The following PHAX variants were observed in gnomAD, a reference collection of about 807,000 sequenced individuals.
PHAX encodes the protein phosphorylated adaptor for RNA export.
A neutral mutation model predicts 41.6 loss-of-function variants in PHAX; 31 were observed. That is an observed-to-expected ratio of 0.75 (90% CI 0.56 to 1.01). The LOEUF (loss-of-function observed/expected upper bound fraction) is 1.01, where lower values mean the gene tolerates loss of function less well. PHAX is among the 50% of genes least tolerant of loss of function. The probability of loss-of-function intolerance (pLI) is 0.00; values close to 1 mark genes in which losing one functional copy is unlikely to be tolerated. For missense variants in PHAX, 453 were observed against 472.9 expected (o/e 0.96, Z 0.39); for synonymous variants, 175 against 164.9 (o/e 1.06, Z -0.47).
chr5:126,604,273 C>CTTTT, intron 2 of PHAX, 90 bp downstream of exon 2: 1 of 791,610 alleles, frequency 1.3e-6, no homozygotes. Flanking sequence ...ATGATATGTT[C>CTTTT]CTTTTTTTTT....
Position 126,617,233 on chromosome 5 carries a change from TCTGTTC to T in PHAX, c.832-14_832-9del, listed in dbSNP as rs758944949. 4 of 1,571,372 alleles carry T rather than the reference TCTGTTC, an allele frequency of 2.5e-6. No homozygotes were observed. The East Asian group carries it at 9.0e-5, about 35-fold the overall frequency. On this transcript the variant is annotated splice_polypyrimidine_tract_variant and intron_variant, in intron 3 of 4. Transcript: ENST00000297540. ...GGAAGAGTATATGCAGTTTACCTTTTCTGTTCCTTTTTGTAGAATGGTAGTCGAAGA... is the reference window on the plus strand; with the variant it reads ...GGAAGAGTATATGCAGTTTACCTTTTCTTTTTGTAGAATGGTAGTCGAAGA...
intron 3 of PHAX, among the ~76,000 whole-genome samples, chr5:126,615,089 G>A (rs6886516): frequency 0.27 from 41,134 of 151,544 alleles, 7,127 homozygotes; most frequent in African/African-American, 0.48. Context: ...CATATACTAT[G>A]CATACTATTC....
chr5:126,614,205 TCTC>T (rs1561681387), intron 3 of PHAX, among the ~76,000 whole-genome samples: 1 of 151,908 alleles, frequency 6.6e-6, no homozygotes, highest in East Asian at 1.9e-4. Flanking sequence ...TTCAAACAAT[TCTC>T]CTGCCCTCAG....
chr5:126,602,575 A>G (rs1336272792), intron 1 of PHAX, among the ~76,000 whole-genome samples: 2 of 152,248 alleles, frequency 1.3e-5, no homozygotes, highest in African/African-American at 4.8e-5. Context: ...AACAAAGACA[A>G]ATACTTGCTT....
chr5:126,601,017 G>T lies in PHAX; in HGVS notation c.55G>T (p.Asp19Tyr), dbSNP rs149546549. ...TGGGCAGCTTTCCGACTCGGATTCCGACATGACGGTCGCACCCAGCGACAG... is the reference window on the plus strand; with the variant it reads ...TGGGCAGCTTTCCGACTCGGATTCCTACATGACGGTCGCACCCAGCGACAG... ...EDGQLSDSDS[D>Y]MTVAPSDRPL... Residue 19 changes from aspartate (D) to tyrosine (Y), a missense_variant, in exon 1 of 5, where the codon GAC becomes TAC. By Grantham distance (160) the Asp-to-Tyr change is radical. Transcript: ENST00000297540. The T allele has an allele frequency of 7.8e-5, 126 of 1,606,774 alleles. No homozygotes were observed. The highest frequency in any genetic ancestry group is 1.0e-4 in the Non-Finnish European group (121 of 1,176,832).
Position 126,625,080 on chromosome 5 carries a change from G to T in PHAX, c.*236G>T, listed in dbSNP as rs760806341. 1.4e-4 allele frequency: 64 copies of T among 464,910 alleles called. No individual in the cohort carries two copies. The highest frequency in any genetic ancestry group is 2.1e-4 in the Non-Finnish European group (56 of 265,090). 28.8% of individuals were successfully genotyped at this position (464,910 alleles called of 1,614,324 possible). Reference sequence around the variant, plus strand: ...GATTTAATTTCTCAATCTGTTGCATGTGCTAATTATGAGTATTACTAGTTG... The same window carrying T: ...GATTTAATTTCTCAATCTGTTGCATTTGCTAATTATGAGTATTACTAGTTG... On this transcript the variant is annotated 3_prime_UTR_variant, in exon 5 of 5. Coordinates refer to ENST00000297540, the MANE Select transcript of PHAX (RefSeq NM_032177.4).
chr5:126,621,866 TAACAACATGTTGC>T (rs1404023271), intron 4 of PHAX, among the ~76,000 whole-genome samples: 1 of 152,242 alleles, frequency 6.6e-6, no homozygotes, highest in East Asian at 1.9e-4. Context: ...ATAAAGATAT[TAACAACATGTTGC>T]AACAACATTT....
chr5:126,607,888 T>A (rs980393861), intron 2 of PHAX, among the ~76,000 whole-genome samples: 8 of 152,176 alleles, frequency 5.3e-5, no homozygotes, highest in African/African-American at 1.9e-4. Context: ...TAATAAGCCA[T>A]CAGTAAATAT....
intron 1 of PHAX, among the ~76,000 whole-genome samples, chr5:126,602,522 A>G (rs1751920151): frequency 6.6e-6 from 1 of 152,264 alleles, no homozygotes; most frequent in African/African-American, 2.4e-5. Flanking sequence ...GAAGATAGGA[A>G]GATAGATAGT....
At chr5:126,622,913 G>A (rs1043192578) in intron 4 of PHAX, among the ~76,000 whole-genome samples, 3 of 151,952 alleles carry the variant, frequency 2.0e-5, no homozygotes, top group Admixed American at 6.6e-5. Context: ...GTCACTTGAG[G>A]CCAGGAGTTG....
chr5:126,603,442 G>T (rs1320265321), intron 1 of PHAX, 128 bp from the exon 2 acceptor site: 3 of 1,005,678 alleles, frequency 3.0e-6, no homozygotes, highest in Non-Finnish European at 3.0e-6. Context: ...AACTTGATTG[G>T]TCTCAGATTT....
At chr5:126,602,475 A>G (rs146098646) in intron 1 of PHAX, among the ~76,000 whole-genome samples, 81 of 152,376 alleles carry the variant, frequency 5.3e-4, no homozygotes, top group South Asian at 1.4e-3. Context: ...TACAGTGTGC[A>G]GTAATGCCTG....
At chr5:126,604,308 G>GA in intron 2 of PHAX, 125 bp downstream of exon 2, 1 of 861,506 alleles carries the variant, frequency 1.2e-6, no homozygotes, top group Non-Finnish European at 1.6e-6. Flanking sequence ...ACAGGGTCTT[G>GA]CTCTGTCACC....
At chr5:126,602,521 A>G (rs1751920094) in intron 1 of PHAX, among the ~76,000 whole-genome samples, 1 of 152,252 alleles carries the variant, frequency 6.6e-6, no homozygotes. Context: ...TGAAGATAGG[A>G]AGATAGATAG....
chr5:126,617,219 T>C (rs1408411880), intron 3 of PHAX, 31 bp from the exon 4 acceptor site: 2 of 1,393,332 alleles, frequency 1.4e-6, no homozygotes, highest in Non-Finnish European at 2.0e-6. Flanking sequence ...GAAGAGTATA[T>C]GCAGTTTACC....
intron 3 of PHAX, among the ~76,000 whole-genome samples, chr5:126,612,451 C>T (rs1280233528): frequency 6.6e-6 from 1 of 152,024 alleles, no homozygotes; most frequent in African/African-American, 2.4e-5. Flanking sequence ...TGTAATCCCA[C>T]CACTTTGGGA....
chr5:126,618,098 C>T (rs1413202333), intron 4 of PHAX, among the ~76,000 whole-genome samples: 3 of 151,960 alleles, frequency 2.0e-5, no homozygotes, highest in Admixed American at 2.0e-4. Flanking sequence ...GGAGTACAGG[C>T]ATATGCCATT....
At chr5:126,619,477 G>A (rs996953839) in intron 4 of PHAX, among the ~76,000 whole-genome samples, 5 of 151,784 alleles carry the variant, frequency 3.3e-5, no homozygotes, top group South Asian at 2.1e-4. Flanking sequence ...TCGGGAGGCT[G>A]ACGTAGGAGA....
rs770891958 is a variant in PHAX at position 126,600,996 on chromosome 5, C to A, written c.34C>A (p.Gln12Lys). The part of the protein sequence containing the change: ...ALEVGDMEDG[Q>K]LSDSDSDMTV... ...GGAGGTCGGCGATATGGAAGATGGGCAGCTTTCCGACTCGGATTCCGACAT... is the reference window on the plus strand; with the variant it reads ...GGAGGTCGGCGATATGGAAGATGGGAAGCTTTCCGACTCGGATTCCGACAT... Residue 12 changes from glutamine (Q) to lysine (K), a missense_variant, in exon 1 of 5, where the codon CAG becomes AAG. Gln to Lys is a moderately conservative substitution (Grantham distance 53). Coordinates refer to ENST00000297540, the MANE Select transcript of PHAX (RefSeq NM_032177.4). 6.2e-7 allele frequency: 1 copy of A among 1,605,522 alleles called. No individual in the cohort carries two copies. Among genetic ancestry groups the A allele is most frequent in the Non-Finnish European group, 8.5e-7 (1 of 1,176,074 alleles).
Sources: allele counts gnomAD v4.1 joint callset (sites outside exome capture counted in the v4.1 genomes callset), GRCh38; gene constraint gnomAD v4.1.1; transcripts MANE v1.5; gene names NCBI Gene and HGNC (gene_info 2026-07-23, HGNC 2026-07-21).